Variants in IL1RAPL2 observed in about 807,000 individuals in gnomAD.
IL1RAPL2 encodes X-linked interleukin-1 receptor accessory protein-like 2.
A neutral mutation model predicts 44.1 loss-of-function variants in IL1RAPL2; 3 were observed. That is an observed-to-expected ratio of 0.07 (90% CI 0.03 to 0.18). The LOEUF (loss-of-function observed/expected upper bound fraction) is 0.18. IL1RAPL2 is among the 10% of genes least tolerant of loss of function. The probability of loss-of-function intolerance (pLI) is 1.00; values close to 1 mark genes in which losing one functional copy is unlikely to be tolerated. For synonymous variants in IL1RAPL2, 181 were observed against 178.8 expected (o/e 1.01, Z -0.10); for missense variants, 391 against 496.4 (o/e 0.79, Z 2.02).
chrX:105,633,515 T>C (rs2037504710), intron 6 of IL1RAPL2, among the ~76,000 whole-genome samples: 2 of 111,492 alleles, frequency 1.8e-5, no homozygotes, highest in Admixed American at 1.9e-4. Flanking sequence ...AGGTCAACAC[T>C]AATAGTTCTG....
chrX:105,676,850 A>AT (rs1303305723), intron 6 of IL1RAPL2, among the ~76,000 whole-genome samples: 1 of 112,169 alleles, frequency 8.9e-6, no homozygotes, highest in East Asian at 2.8e-4. Context: ...TAGTGCTATT[A>AT]TATCAGAGAA....
In IL1RAPL2 at chrX:105,010,847, C is replaced by T. The variant is rs925708312; in HGVS notation, c.83-184628C>T. The stretch of plus-strand genomic sequence containing the variant: ...GCTTCAAAGCAATTTCTGACCATAG[C>T]ATTTAAATTATTTCTTAAAAAAATC... On this transcript the variant is annotated intron_variant, in intron 2 of 10. Coordinates refer to ENST00000372582, the MANE Select transcript of IL1RAPL2 (RefSeq NM_017416.2). Among the ~76,000 whole-genome samples, 7 of 111,252 alleles carry T rather than the reference C, an allele frequency of 6.3e-5. No homozygotes were observed. The Admixed American group carries it at 6.7e-4, about 11-fold the overall frequency.
At chrX:105,317,119 A>G (rs1341147256) in intron 5 of IL1RAPL2, among the ~76,000 whole-genome samples, 1 of 111,992 alleles carries the variant, frequency 8.9e-6, no homozygotes, top group African/African-American at 3.2e-5. Context: ...TGTATGTTTA[A>G]AAACACTTTG....
chrX:105,263,291 G>A (rs1413233242), intron 4 of IL1RAPL2, among the ~76,000 whole-genome samples: 1 of 111,136 alleles, frequency 9.0e-6, no homozygotes, highest in African/African-American at 3.3e-5. Flanking sequence ...TTCAAACAAA[G>A]GTGTTTGAGG....
chrX:105,685,591 G>A (rs938800941), intron 6 of IL1RAPL2, among the ~76,000 whole-genome samples: 6 of 111,802 alleles, frequency 5.4e-5, no homozygotes, highest in African/African-American at 9.8e-5. Flanking sequence ...GTACCTGAAC[G>A]TGATGGGGAG....
chrX:105,629,702 G>T (rs952735462), intron 6 of IL1RAPL2, among the ~76,000 whole-genome samples: 4 of 111,626 alleles, frequency 3.6e-5, no homozygotes, highest in African/African-American at 1.3e-4. Flanking sequence ...CACCACTTAA[G>T]AATTAAATCT....
intron 2 of IL1RAPL2, among the ~76,000 whole-genome samples, chrX:104,759,636 G>A (rs1241179782): frequency 9.0e-6 from 1 of 110,799 alleles, no homozygotes; most frequent in Non-Finnish European, 1.9e-5. Flanking sequence ...CAAGCCAATA[G>A]CAGGAGAAAA....
At chrX:104,946,876 ACGTGTGCATGTGTCTTTATAGCAG>A (rs1216347923) in intron 2 of IL1RAPL2, among the ~76,000 whole-genome samples, 3 of 95,131 alleles carry the variant, frequency 3.2e-5, no homozygotes, top group Non-Finnish European at 6.3e-5. Context: ...CAATAAACAT[ACGTGTGCATGTGTCTTTATAGCAG>A]CATGATTTAT....
chrX:105,608,987 T>G (rs2037315667), intron 6 of IL1RAPL2, among the ~76,000 whole-genome samples: 1 of 111,382 alleles, frequency 9.0e-6, no homozygotes, highest in African/African-American at 3.3e-5. Flanking sequence ...AACTCCTCTC[T>G]AGGATCTGTT....
chrX:105,510,491 C>A (rs1263907475), intron 6 of IL1RAPL2, among the ~76,000 whole-genome samples: 2 of 111,741 alleles, frequency 1.8e-5, no homozygotes, highest in African/African-American at 6.5e-5. Flanking sequence ...CTGAACTTTA[C>A]CCCATGTGGT....
intron 6 of IL1RAPL2, among the ~76,000 whole-genome samples, chrX:105,623,080 T>A (rs2037431329): frequency 9.0e-6 from 1 of 111,459 alleles, no homozygotes; most frequent in Non-Finnish European, 1.9e-5. Context: ...AGATAATCCT[T>A]TTTTTAATAT....
intron 6 of IL1RAPL2, among the ~76,000 whole-genome samples, chrX:105,543,275 G>T (rs954941688): frequency 8.9e-6 from 1 of 112,077 alleles, no homozygotes; most frequent in African/African-American, 3.2e-5. Flanking sequence ...GCCCAGCCCT[G>T]TAAGAAACCA....
At chrX:105,074,363 A>G (rs1366135587) in intron 2 of IL1RAPL2, among the ~76,000 whole-genome samples, 2 of 110,824 alleles carry the variant, frequency 1.8e-5, no homozygotes, top group Non-Finnish European at 3.8e-5. Context: ...GATATGCGGC[A>G]TTATTTCTGA....
At chrX:105,026,217 G>T (rs2031370563) in intron 2 of IL1RAPL2, among the ~76,000 whole-genome samples, 1 of 110,778 alleles carries the variant, frequency 9.0e-6, no homozygotes, top group African/African-American at 3.3e-5. Flanking sequence ...ACAGGTTTGG[G>T]TACCCTTTAT....
At chrX:105,232,552 G>GTGTTATCAGGCTGCTTCTGATTTCTT (rs1556196750) in intron 3 of IL1RAPL2, among the ~76,000 whole-genome samples, 2 of 111,927 alleles carry the variant, frequency 1.8e-5, no homozygotes, top group Non-Finnish European at 1.9e-5. Flanking sequence ...GATCTTCATA[G>GTGTTATCAGGCTGCTTCTGATTTCTT]TGTTATCAGG....
intron 7 of IL1RAPL2, among the ~76,000 whole-genome samples, chrX:105,726,787 T>G (rs1375522915): frequency 9.0e-6 from 1 of 110,977 alleles, no homozygotes; most frequent in African/African-American, 3.3e-5. Context: ...CAATCCAGGA[T>G]TTACCCCTGC....
chrX:104,661,844 T>C (rs1930407421), intron 2 of IL1RAPL2, among the ~76,000 whole-genome samples: 2 of 111,772 alleles, frequency 1.8e-5, no homozygotes, highest in South Asian at 7.5e-4. Context: ...ACTTTTATTT[T>C]TTTCCCCTCT....
intron 2 of IL1RAPL2, among the ~76,000 whole-genome samples, chrX:104,791,822 T>G (rs1035328002): frequency 9.0e-6 from 1 of 111,575 alleles, no homozygotes; most frequent in Non-Finnish European, 1.9e-5. Flanking sequence ...ACCATAGAAC[T>G]AATGTATTTG....
intron 6 of IL1RAPL2, among the ~76,000 whole-genome samples, chrX:105,654,252 C>A (rs1013967457): frequency 5.4e-5 from 6 of 110,378 alleles, no homozygotes; most frequent in East Asian, 2.8e-4. Context: ...TGGAGGCCAG[C>A]AGAAGATAGA....
Sources: allele counts gnomAD v4.1 joint callset (sites outside exome capture counted in the v4.1 genomes callset), GRCh38; gene constraint gnomAD v4.1.1; transcripts MANE v1.5; gene names NCBI Gene and HGNC (gene_info 2026-07-23, HGNC 2026-07-21).